EPG5: variants seen among roughly 807,000 people sequenced by gnomAD.
The protein encoded by EPG5 is ectopic P-granules 5 autophagy tethering factor.
Under a neutral mutation model 302.7 loss-of-function variants are expected in EPG5, and 159 were observed. The observed-to-expected ratio is 0.53, with a 90% CI of 0.46 to 0.60. EPG5 has a LOEUF of 0.60. Among genes scored for constraint, EPG5 ranks in the 20% least tolerant of loss-of-function variants. The probability of loss-of-function intolerance (pLI) is 0.00; values close to 1 mark genes in which losing one functional copy is unlikely to be tolerated. For synonymous variants in EPG5, 1,158 were observed against 1,136.8 expected (o/e 1.02, Z -0.37); for missense variants, 2,896 against 3,092.4 (o/e 0.94, Z 1.51).
chr18:45,806,885 C>G, the EPG5 span, among the ~76,000 whole-genome samples: 1 of 152,038 alleles, frequency 6.6e-6, no homozygotes, highest in African/African-American at 2.4e-5. Context: ...CAGGGGAGGG[C>G]ATGAATCTGG....
chr18:45,859,196 T>C (rs998380253), intron 40 of EPG5, among the ~76,000 whole-genome samples: 3 of 152,248 alleles, frequency 2.0e-5, no homozygotes, highest in African/African-American at 7.2e-5. Context: ...GACGGGAAAC[T>C]GTTATCACTC....
the EPG5 span, chr18:45,839,228 C>T: frequency 8.2e-7 from 1 of 1,224,612 alleles, no homozygotes; most frequent in Non-Finnish European, 1.0e-6. Context: ...GTGGCGCTTT[C>T]CTCTCTTTGC....
In EPG5 at chr18:45,870,611, T is replaced by C; in HGVS notation, c.6181A>G (p.Lys2061Glu). Residue 2061 changes from lysine to glutamate, a missense_variant, in exon 36 of 44, where the codon AAG (lysine) becomes GAG (glutamate). Coordinates refer to ENST00000282041, the MANE Select transcript of EPG5 (RefSeq NM_020964.3). Reference sequence around the variant, plus strand: ...AGCATCTGGTCAGGGTGCAGGTCCTTCCATGGCAGTTTCCGGTACGTGCTA... The same window carrying C: ...AGCATCTGGTCAGGGTGCAGGTCCTCCCATGGCAGTTTCCGGTACGTGCTA... ...FHSTYRKLPW[K>E]DLHPDQMLME... is the part of the protein sequence containing the mutation. 2 of 1,614,090 alleles carry C rather than the reference T, an allele frequency of 1.2e-6. No individual in the cohort carries two copies. The highest frequency in any genetic ancestry group is 1.7e-6 in the Non-Finnish European group (2 of 1,179,990).
the EPG5 span, among the ~76,000 whole-genome samples, chr18:45,803,535 T>A: frequency 3.3e-4 from 50 of 152,334 alleles, no homozygotes; most frequent in South Asian, 2.3e-3. Flanking sequence ...AAACTCACCA[T>A]CTTTCTGGCC....
Position 45,857,998 on chromosome 18 carries a change from C to G in EPG5, c.7297G>C (p.Glu2433Gln). The G allele has an allele frequency of 6.2e-7, 1 of 1,613,912 alleles. No individual in the cohort carries two copies. The highest frequency in any genetic ancestry group is 8.5e-7 in the Non-Finnish European group (1 of 1,180,024). Reference protein sequence around the residue: ...QVLQLSLIQTEQNDSVLTESV... With the variant: ...QVLQLSLIQTQQNDSVLTESV... ...TCTGTCAGGACGGAGTCATTCTGCT[C>G]TGTCTGAATGAGGGAGAGCTGAAGG... is the stretch of plus-strand genomic sequence containing the variant. Residue 2433 changes from glutamate (E) to glutamine (Q), a missense_variant, in exon 42 of 44, where the codon GAG becomes CAG. Physicochemically the swap from Glu to Gln is conservative, Grantham distance 29. Coordinates refer to ENST00000282041, the MANE Select transcript of EPG5 (RefSeq NM_020964.3).
At position 45,901,071 on chromosome 18, in the gene EPG5, G is replaced by A. The variant is rs757640985; in HGVS notation, c.4571C>T (p.Ser1524Phe). 6.2e-7 allele frequency: 1 copy of A among 1,614,220 alleles called. No individual in the cohort carries two copies. Among genetic ancestry groups the A allele is most frequent in the Admixed American group, 1.7e-5 (1 of 60,032 alleles). Residue 1524 changes from serine (S) to phenylalanine (F), a missense_variant, in exon 26 of 44, where the codon TCT becomes TTT. Ser to Phe is a radical substitution (Grantham distance 155, BLOSUM62 -2). This residue lies in a region of EPG5 where 790 missense variants were observed against 798.0 expected (regional missense o/e 0.99). Coordinates refer to ENST00000282041, the MANE Select transcript of EPG5 (RefSeq NM_020964.3). Reference sequence around the variant, plus strand: ...GTCCTTCTGACTCAATAGCACAGCAGAGGAAATAACTGGCACAGGAGGCTT... The same window carrying A: ...GTCCTTCTGACTCAATAGCACAGCAAAGGAAATAACTGGCACAGGAGGCTT... ...PTKPPVPVIS[S>F]AVLLSQKDAT...
Position 45,912,441 on chromosome 18 carries a change from G to T in EPG5, c.3832C>A (p.Leu1278Met). The T allele has an allele frequency of 6.3e-7, 1 of 1,598,948 alleles. No individual in the cohort carries two copies. Among genetic ancestry groups the T allele is most frequent in the Non-Finnish European group, 8.5e-7 (1 of 1,175,046 alleles). Residue 1278 changes from leucine to methionine, a missense_variant, in exon 22 of 44, where the codon CTG becomes ATG. Leu to Met is a conservative substitution (Grantham distance 15). Around this residue, in one of 5 missense-constraint regions of EPG5, gnomAD observed 64 missense variants for 101.8 expected, o/e 0.63. Transcript: ENST00000282041. ...DQALKKAQTQLKLPIVPSLQR... is the reference protein window; with the variant it reads ...DQALKKAQTQMKLPIVPSLQR... ...AGGGATGGCACGATGGGGAGCTTCAGCTGGGTCTGGGCTTTCTACAAAAAA... is the reference window on the plus strand; with the variant it reads ...AGGGATGGCACGATGGGGAGCTTCATCTGGGTCTGGGCTTTCTACAAAAAA...
intron 13 of EPG5, among the ~76,000 whole-genome samples, chr18:45,927,617 C>T (rs1322697061): frequency 2.0e-5 from 3 of 151,684 alleles, no homozygotes; most frequent in African/African-American, 7.3e-5. Flanking sequence ...CACACACACA[C>T]ACACACACAC....
Position 45,858,059 on chromosome 18 carries a change from C to G in EPG5, c.7236G>C (p.Glu2412Asp). The G allele has an allele frequency of 6.2e-7, 1 of 1,613,130 alleles. No individual in the cohort carries two copies. The highest frequency in any genetic ancestry group is 8.5e-7 in the Non-Finnish European group (1 of 1,179,344). ...WLEQVYPSSV[E>D]EEAKLFLWWH... is the part of the protein sequence containing the mutation. The stretch of plus-strand genomic sequence containing the variant: ...ACCACAAAAACAGCTTTGCCTCTTC[C>G]TCCACGGAGCTAGGGGAGGCACCGG... The change falls in exon 42 of 44, where the codon GAG becomes GAC. Residue 2412 changes from glutamate (E) to aspartate (D), a missense_variant. Transcript: ENST00000282041.
In EPG5 at chr18:45,953,857, A is replaced by C. The variant is rs1233746155; in HGVS notation, c.1008+537T>G. The C allele has an allele frequency of 9.1e-6, 9 of 985,270 alleles. No individual in the cohort carries two copies. The East Asian group carries it at 1.0e-3, about 112-fold the overall frequency. 61.0% of individuals were successfully genotyped at this position (985,270 alleles called of 1,614,324 possible). A position where few individuals can be genotyped will look rare whatever the true frequency, so the allele number is the denominator to read the frequency against. On this transcript the variant is annotated intron_variant, in intron 2 of 43. Transcript: ENST00000282041. ...ATTGGATGCAACCCCATGGAGGCCA[A>C]AGTGATCATAACACCTTCAGTTTCC...
chr18:45,806,514 T>C, the EPG5 span, among the ~76,000 whole-genome samples: 2,778 of 152,068 alleles, frequency 0.018, 90 homozygotes, highest in African/African-American at 0.064. Flanking sequence ...ATACTGTGAG[T>C]GCCCAAACTG....
intron 6 of EPG5, 130 bp downstream of exon 6, chr18:45,948,373 C>T (rs2050832522): frequency 4.1e-6 from 3 of 723,054 alleles, no homozygotes; most frequent in Non-Finnish European, 7.0e-6. Context: ...AGAAAATCTG[C>T]AATGTTAAAT....
intron 20 of EPG5, among the ~76,000 whole-genome samples, chr18:45,914,990 C>T (rs1389442765): frequency 2.7e-5 from 4 of 146,184 alleles, no homozygotes; most frequent in Non-Finnish European, 4.5e-5. Context: ...AAAAAAGAAA[C>T]AACTCAGGCA....
intron 38 of EPG5, among the ~76,000 whole-genome samples, 181 bp downstream of exon 38, chr18:45,866,617 T>C (rs1443133780): frequency 6.6e-6 from 1 of 152,120 alleles, no homozygotes; most frequent in East Asian, 1.9e-4. Context: ...TAAGTAAAAG[T>C]TCACCCAAAG....
chr18:45,961,056 C>T (rs1403997857), intron 1 of EPG5, among the ~76,000 whole-genome samples: 1 of 152,180 alleles, frequency 6.6e-6, no homozygotes, highest in Non-Finnish European at 1.5e-5. Flanking sequence ...TTTTCTCTCA[C>T]ATCCCACATC....
At chr18:45,949,100 A>C (rs2050849155) in intron 5 of EPG5, among the ~76,000 whole-genome samples, 1 of 152,182 alleles carries the variant, frequency 6.6e-6, no homozygotes, top group Admixed American at 6.5e-5. Context: ...GCTAATATTA[A>C]AGAACTTTGA....
chr18:45,887,083 A>C (rs2049234020), intron 29 of EPG5, among the ~76,000 whole-genome samples: 1 of 152,244 alleles, frequency 6.6e-6, no homozygotes, highest in Admixed American at 6.5e-5. Flanking sequence ...AATTTGGGTG[A>C]GAGTACATGG....
intron 7 of EPG5, 115 bp from the exon 8 acceptor site, chr18:45,944,234 G>A: frequency 1.5e-6 from 1 of 646,044 alleles, no homozygotes; most frequent in Non-Finnish European, 2.8e-6. Context: ...ATATCCTCAT[G>A]AGTCTTCATG....
At position 45,951,084 on chromosome 18, in the gene EPG5, C is replaced by A; in HGVS notation, c.1389+18G>T. ...AGAAATAAAACAAAGACTACTGTGT[C>A]TATCTCTGTCCCCTTACCAATTTCT... On this transcript the variant is annotated intron_variant, in intron 4 of 43. Coordinates refer to ENST00000282041, the MANE Select transcript of EPG5 (RefSeq NM_020964.3). The A allele has an allele frequency of 2.0e-6, 3 of 1,535,120 alleles. No individual in the cohort carries two copies. Among genetic ancestry groups the A allele is most frequent in the Admixed American group, 4.0e-5 (2 of 49,392 alleles).
Sources: gnomAD v4.1 joint callset for allele counts (sites outside exome capture counted in the v4.1 genomes callset) on GRCh38, gnomAD v4.1.1 for gene constraint, gnomAD v4.1.1 regional missense constraint, MANE v1.5 for transcripts, NCBI Gene and HGNC (gene_info 2026-07-23, HGNC 2026-07-21) for gene names.